The following EPG5 variants were observed in gnomAD, a reference collection of about 807,000 sequenced individuals.
The protein encoded by EPG5 is ectopic P granules protein 5 homolog.
Under a neutral mutation model 302.7 loss-of-function variants are expected in EPG5, and 159 were observed. The ratio of observed to expected loss-of-function variants is 0.53; its 90% CI spans 0.46 to 0.60. The LOEUF (loss-of-function observed/expected upper bound fraction) is 0.60, where lower values mean the gene tolerates loss of function less well. EPG5 is among the 20% of genes least tolerant of loss of function. The pLI, the probability that EPG5 is intolerant of heterozygous loss-of-function variation, is 0.00. For missense variants in EPG5, 2,896 were observed against 3,092.4 expected (o/e 0.94, Z 1.51); for synonymous variants, 1,158 against 1,136.8 (o/e 1.02, Z -0.37).
At chr18:45,841,608 G>T in the EPG5 span, among the ~76,000 whole-genome samples, 3 of 152,180 alleles carry the variant, frequency 2.0e-5, no homozygotes, top group African/African-American at 7.2e-5. Context: ...GGCAGGGCTT[G>T]CCCAAGAGCC....
At position 45,939,764 on chromosome 18, in the gene EPG5, G is replaced by A. The variant is rs2050621581; in HGVS notation, c.1944-9C>T. ...CATAACCAAGAGTCATCCTGAGCAT[G>A]AGGAAAGATAATACAGTACTTTTCA... is the stretch of plus-strand genomic sequence containing the variant. On this transcript the variant is annotated splice_polypyrimidine_tract_variant and intron_variant, in intron 9 of 43. Coordinates refer to ENST00000282041, the MANE Select transcript of EPG5 (RefSeq NM_020964.3). 1.9e-6 allele frequency: 3 copies of A among 1,612,064 alleles called. No individual in the cohort carries two copies. The highest frequency in any genetic ancestry group is 2.2e-5 in the East Asian group (1 of 44,874).
intron 30 of EPG5, among the ~76,000 whole-genome samples, chr18:45,883,012 C>CAAAAAAAAAA (rs35030980): frequency 6.9e-5 from 6 of 87,410 alleles, no homozygotes; most frequent in African/African-American, 2.3e-4. Flanking sequence ...CGTCTCACAA[C>CAAAAAAAAAA]AAAAAAAAAA....
intron 27 of EPG5, 151 bp downstream of exon 27, chr18:45,899,253 G>C (rs1045132141): frequency 6.8e-5 from 54 of 793,528 alleles, no homozygotes; most frequent in Non-Finnish European, 1.0e-4. Context: ...TGTGTGATTA[G>C]CTCTATGAGT....
chr18:45,951,238 G>A lies in EPG5; in HGVS notation c.1253C>T (p.Ala418Val), dbSNP rs746814891. Residue 418 changes from alanine to valine, a missense_variant and splice_region_variant, in exon 4 of 44, where the codon GCG becomes GTG. This residue lies in a region of EPG5 where 1,390 missense variants were observed against 1,430.0 expected (regional missense o/e 0.97). Transcript: ENST00000282041. The part of the protein sequence containing the change: ...RSSAIHQQGR[A>V]SKQTESIPSD... ...GGGAATGCTTTCTGTCTGCTTAGAC[G>A]CTGTAAATGAAAGATATTAAATGAG... is the stretch of plus-strand genomic sequence containing the variant. The A allele has an allele frequency of 2.7e-6, 4 of 1,483,136 alleles. No homozygotes were observed. Among genetic ancestry groups the A allele is most frequent in the South Asian group, 3.0e-5 (2 of 65,820 alleles). 91.9% of individuals were successfully genotyped at this position (1,483,136 alleles called of 1,614,324 possible). A position where few individuals can be genotyped will look rare whatever the true frequency, so the allele number is the denominator to read the frequency against.
At chr18:45,922,703 AG>A (rs1165714342) in intron 15 of EPG5, 103 bp from the exon 16 acceptor site, 1 of 1,349,152 alleles carries the variant, frequency 7.4e-7, no homozygotes, top group African/African-American at 1.5e-5. Context: ...CTCAACGCAG[AG>A]GAATATTCTA....
At chr18:45,881,006 G>A (rs1040990791) in intron 31 of EPG5, among the ~76,000 whole-genome samples, 13 of 152,256 alleles carry the variant, frequency 8.5e-5, no homozygotes, top group Non-Finnish European at 1.9e-4. Flanking sequence ...TGCCTAGAAG[G>A]TGGCAGTGAC....
chr18:45,866,893 T>C lies in EPG5; in HGVS notation c.6526A>G (p.Ile2176Val), dbSNP rs201095962. The C allele has an allele frequency of 9.9e-5, 160 of 1,614,098 alleles. No homozygotes were observed. The highest frequency in any genetic ancestry group is 4.2e-4 in the Admixed American group (25 of 60,002). ...GCATAAGATTCTTTTGCCAGGATGA[T>C]GGACGGCGGGTAATGGCTGCTGAAA... ...SYFSSHYPPS[I>V]ILAKESYAEL... The change falls in exon 38 of 44, where the codon ATC becomes GTC. Residue 2176 changes from isoleucine to valine, a missense_variant. Around this residue, in one of 5 missense-constraint regions of EPG5, gnomAD observed 620 missense variants for 704.2 expected, o/e 0.88. Transcript: ENST00000282041.
chr18:45,872,433 G>A (rs1428015205), intron 35 of EPG5, among the ~76,000 whole-genome samples: 1 of 152,232 alleles, frequency 6.6e-6, no homozygotes, highest in East Asian at 1.9e-4. Context: ...GCTGTGTGCA[G>A]TGGCTCACGC....
At chr18:45,944,870 G>T (rs1316653407) in intron 7 of EPG5, among the ~76,000 whole-genome samples, 6 of 152,156 alleles carry the variant, frequency 3.9e-5, no homozygotes, top group Non-Finnish European at 8.8e-5. Context: ...ATTGACATTT[G>T]CTATAGGTGA....
rs565060663 is a variant in EPG5, at chr18:45,961,329, C to T, written c.63+5848G>A. On this transcript the variant is annotated intron_variant, in intron 1 of 43. Transcript: ENST00000282041. ...ATATGTCACTCAGAGTAAAAGCTCA[C>T]GCAAGGCCCAACATGACCAGGCTAT... is the stretch of plus-strand genomic sequence containing the variant. Among the ~76,000 whole-genome samples the T allele has an allele frequency of 1.8e-4, 27 of 152,304 alleles. No individual in the cohort carries two copies. In the South Asian group the frequency reaches 4.8e-3, roughly 27 times the overall value.
At chr18:45,884,544 T>C in intron 30 of EPG5, 73 bp downstream of exon 30, 1 of 1,408,090 alleles carries the variant, frequency 7.1e-7, no homozygotes, top group Middle Eastern at 2.2e-4. Context: ...GAGGTCCTTT[T>C]ATTTCTGTAG....
intron 1 of EPG5, among the ~76,000 whole-genome samples, chr18:45,956,419 C>T (rs1264958323): frequency 6.6e-6 from 1 of 152,042 alleles, no homozygotes; most frequent in Non-Finnish European, 1.5e-5. Flanking sequence ...CTACATCCTA[C>T]TATTGTACCA....
chr18:45,861,325 G>A (rs1351840571), intron 39 of EPG5, among the ~76,000 whole-genome samples: 1 of 152,140 alleles, frequency 6.6e-6, no homozygotes, highest in African/African-American at 2.4e-5. Context: ...TGGAAATAAA[G>A]GCTCATCTCT....
chr18:45,935,715 G>C (rs2050508792), intron 10 of EPG5, among the ~76,000 whole-genome samples: 1 of 152,132 alleles, frequency 6.6e-6, no homozygotes, highest in Non-Finnish European at 1.5e-5. Context: ...TGTGCAGTGG[G>C]TGGGAGGAAA....
downstream of EPG5, among the ~76,000 whole-genome samples, chr18:45,846,286 C>T (rs868432975): frequency 2.6e-5 from 4 of 151,934 alleles, no homozygotes; most frequent in African/African-American, 7.3e-5. Context: ...TTTGGGAGGC[C>T]GAGGTGGGCG....
chr18:45,891,393 GGAGGCT>G (rs1271439818), intron 27 of EPG5, among the ~76,000 whole-genome samples: 1 of 151,902 alleles, frequency 6.6e-6, no homozygotes, highest in Non-Finnish European at 1.5e-5. Flanking sequence ...TGGCTACTCA[GGAGGCT>G]GAGGCAGGAG....
At position 45,946,749 on chromosome 18, in the gene EPG5, A is replaced by G; in HGVS notation, c.1591T>C (p.Cys531Arg). The G allele has an allele frequency of 6.2e-7, 1 of 1,614,186 alleles. No individual in the cohort carries two copies. The highest frequency in any genetic ancestry group is 8.5e-7 in the Non-Finnish European group (1 of 1,180,012). The part of the protein sequence containing the change: ...SPVKNRAEFM[C>R]HMKPSERKPS... ...TTCCGCTCGCTGGGCTTCATGTGGCACATAAACTCAGCTCGATTTCTAAAG... is the reference window on the plus strand; with the variant it reads ...TTCCGCTCGCTGGGCTTCATGTGGCGCATAAACTCAGCTCGATTTCTAAAG... Residue 531 changes from cysteine to arginine, a missense_variant, in exon 7 of 44, where the codon TGC becomes CGC. Cys to Arg is a radical substitution (Grantham distance 180, BLOSUM62 -3). Coordinates refer to ENST00000282041, the MANE Select transcript of EPG5 (RefSeq NM_020964.3).
chr18:45,878,590 CTATG>C (rs1039789582), intron 33 of EPG5, 142 bp from the exon 34 acceptor site: 18 of 602,738 alleles, frequency 3.0e-5, no homozygotes, highest in Non-Finnish European at 4.9e-5. Context: ...CTTAGTGTAA[CTATG>C]TATGTTTACG....
At chr18:45,839,599 C>T in the EPG5 span, among the ~76,000 whole-genome samples, 1 of 152,258 alleles carries the variant, frequency 6.6e-6, no homozygotes, top group South Asian at 2.1e-4. Context: ...TCTGCAGAAG[C>T]CAGAGGAAGG....
Sources: allele counts gnomAD v4.1 joint callset (sites outside exome capture counted in the v4.1 genomes callset), GRCh38; gene constraint gnomAD v4.1.1; regional missense constraint gnomAD v4.1.1; transcripts MANE v1.5; gene names NCBI Gene and HGNC (gene_info 2026-07-23, HGNC 2026-07-21).